PROX1: variants seen among roughly 807,000 people sequenced by gnomAD.
The protein encoded by PROX1 is prospero homeobox 1.
PROX1 carries 7 observed loss-of-function variants against 58.8 expected under a neutral mutation model. That is an observed-to-expected ratio of 0.12 (90% CI 0.07 to 0.22). The LOEUF (loss-of-function observed/expected upper bound fraction) is 0.22. PROX1 is among the 10% of genes least tolerant of loss of function. The pLI is 1.00. For missense variants in PROX1, 675 were observed against 927.8 expected (o/e 0.73, Z 3.54); for synonymous variants, 350 against 358.3 (o/e 0.98, Z 0.26).
intron 4 of PROX1, among the ~76,000 whole-genome samples, chr1:214,028,443 T>C (rs1664533593): frequency 6.6e-6 from 1 of 152,172 alleles, no homozygotes; most frequent in South Asian, 2.1e-4. Flanking sequence ...GACTCATAAT[T>C]ATGAAATGGC....
chr1:214,031,317 C>T (rs77611484), intron 4 of PROX1, among the ~76,000 whole-genome samples: 2,663 of 152,210 alleles, frequency 0.017, 81 homozygotes, highest in African/African-American at 0.058. Flanking sequence ...TCTGGGGTGA[C>T]GTTCCTATAT....
chr1:214,015,429 T>G (rs1408917324), intron 4 of PROX1, among the ~76,000 whole-genome samples: 3 of 152,104 alleles, frequency 2.0e-5, no homozygotes, highest in African/African-American at 7.2e-5. Context: ...CCAAAAAAAA[T>G]TTTATGGGCA....
At position 214,018,798 on chromosome 1, in the gene PROX1, C is replaced by T. The variant is rs1017319082; in HGVS notation, c.2028+7083C>T. The stretch of plus-strand genomic sequence containing the variant: ...ACAGGATGGCCAGAATCAATTCTGC[C>T]CCCTTTGCTCTTTGAAAACAATTTC... On this transcript the variant is annotated intron_variant, in intron 4 of 4. Coordinates refer to ENST00000366958, the MANE Select transcript of PROX1 (RefSeq NM_001270616.2). Among the ~76,000 whole-genome samples, 24 of 152,180 alleles carry T rather than the reference C, an allele frequency of 1.6e-4. No homozygotes were observed. The South Asian group carries it at 2.7e-3, about 17-fold the overall frequency.
In PROX1 at chr1:213,996,469, G is replaced by T; in HGVS notation, c.-67G>T. 3 of 1,517,522 alleles carry T rather than the reference G, an allele frequency of 2.0e-6. No homozygotes were observed. Among genetic ancestry groups the T allele is most frequent in the Non-Finnish European group, 2.7e-6 (3 of 1,129,908 alleles). The allele number at this position is 1,517,522 out of a possible 1,614,324, so 94.0% of individuals were successfully genotyped here. A position where few individuals can be genotyped will look rare whatever the true frequency, so the allele number is the denominator to read the frequency against. On this transcript the variant is annotated splice_region_variant and 5_prime_UTR_variant, in exon 2 of 5. Coordinates refer to ENST00000366958, the MANE Select transcript of PROX1 (RefSeq NM_001270616.2). ...TCAGTCCTTTTGTTCTGTTGGCCAG[G>T]GTCCCGGGATTCTTGAGCTGTGCCC...
rs1349885193 is a variant in PROX1, at chr1:214,037,773, A to C, written c.*1939A>C. The C allele has an allele frequency of 2.0e-5, 3 of 152,252 alleles. No individual in the cohort carries two copies. Among genetic ancestry groups the C allele is most frequent in the Non-Finnish European group, 4.4e-5 (3 of 68,048 alleles). 9.4% of individuals were successfully genotyped at this position (152,252 alleles called of 1,614,324 possible). ...TTGTTATTTTTCTCACTTGCTTTAAAAAAAAGCAGTTTGGATAATCATGAC... is the reference window on the plus strand; with the variant it reads ...TTGTTATTTTTCTCACTTGCTTTAACAAAAAGCAGTTTGGATAATCATGAC... On this transcript the variant is annotated 3_prime_UTR_variant, in exon 5 of 5. Coordinates refer to ENST00000366958, the MANE Select transcript of PROX1 (RefSeq NM_001270616.2).
At chr1:213,998,575 TA>T (rs1054571176) in intron 2 of PROX1, among the ~76,000 whole-genome samples, 1 of 151,876 alleles carries the variant, frequency 6.6e-6, no homozygotes, top group Non-Finnish European at 1.5e-5. Context: ...CCCTATCTCT[TA>T]AAAAAAATAA....
chr1:213,989,346 C>A (rs749925539), intron 1 of PROX1, among the ~76,000 whole-genome samples: 3 of 151,716 alleles, frequency 2.0e-5, no homozygotes, highest in Admixed American at 6.6e-5. Context: ...GGTCGCGTGG[C>A]GGTGGGATTG....
At chr1:213,993,634 A>T (rs1663116500) in intron 1 of PROX1, among the ~76,000 whole-genome samples, 1 of 152,180 alleles carries the variant, frequency 6.6e-6, no homozygotes, top group Admixed American at 6.5e-5. Flanking sequence ...TTATTATTTA[A>T]TCATGCCTAT....
Position 213,998,478 on chromosome 1 carries a change from T to A in PROX1, c.1725+218T>A, listed in dbSNP as rs928183690. ...CAACATCTTTGCAGCTTCCACAAGT[T>A]GTTCACTGCCTTGAGGAGCTCCTAT... On this transcript the variant is annotated intron_variant, in intron 2 of 4. Transcript: ENST00000366958. Among the ~76,000 whole-genome samples, 7 of 152,352 alleles carry A rather than the reference T, an allele frequency of 4.6e-5. No homozygotes were observed. In the South Asian group the frequency reaches 1.4e-3, roughly 32 times the overall value.
chr1:213,997,796 C>T lies in PROX1; in HGVS notation c.1261C>T (p.Leu421=). 3 of 1,614,264 alleles carry T rather than the reference C, an allele frequency of 1.9e-6. No individual in the cohort carries two copies. Among genetic ancestry groups the T allele is most frequent in the South Asian group, 1.1e-5 (1 of 91,092 alleles). Residue 421 remains leucine (L), a synonymous_variant, in exon 2 of 5, where the codon CTG becomes TTG. Transcript: ENST00000366958. The surrounding 1 kb of genome is among the most constrained non-coding windows in gnomAD (Gnocchi z 7.1). ...TGGCGACGTCATCATTCCGAACCCC[C>T]TGGACACCTTTGGCAATGTGCAGAT... ...CFGDVIIPNP[L]DTFGNVQMAS... is the part of the protein sequence containing the mutation.
chr1:214,000,133 A>G (rs937882746), intron 2 of PROX1, among the ~76,000 whole-genome samples: 1 of 152,196 alleles, frequency 6.6e-6, no homozygotes, highest in African/African-American at 2.4e-5. Flanking sequence ...ATTTAATGCC[A>G]GGTTTCAAAA....
At chr1:214,010,560 G>T (rs564931486) in intron 3 of PROX1, among the ~76,000 whole-genome samples, 1 of 152,142 alleles carries the variant, frequency 6.6e-6, no homozygotes, top group Non-Finnish European at 1.5e-5. Context: ...CTGTCAGCCC[G>T]CCTGATATAG....
chr1:214,035,063 A>G (rs1664784982), intron 4 of PROX1, among the ~76,000 whole-genome samples: 1 of 152,152 alleles, frequency 6.6e-6, no homozygotes. Context: ...TCATGTTAAT[A>G]TTATTATTTT....
chr1:214,009,452 T>G (rs1307632857), intron 3 of PROX1, among the ~76,000 whole-genome samples: 2 of 152,228 alleles, frequency 1.3e-5, no homozygotes, highest in Admixed American at 6.5e-5. Context: ...TGTGAATATC[T>G]AGAAAAGCGG....
intron 3 of PROX1, among the ~76,000 whole-genome samples, chr1:214,006,875 C>A (rs1346340702): frequency 6.6e-6 from 1 of 152,148 alleles, no homozygotes; most frequent in African/African-American, 2.4e-5. Flanking sequence ...AACTTATATT[C>A]TTTGCATAGC....
chr1:214,027,865 T>C (rs948936397), intron 4 of PROX1, among the ~76,000 whole-genome samples: 1 of 151,588 alleles, frequency 6.6e-6, no homozygotes, highest in Non-Finnish European at 1.5e-5. Context: ...TTTATATATA[T>C]ATATATATAA....
chr1:214,029,446 G>C (rs150412471), intron 4 of PROX1: 1 of 152,248 alleles, frequency 6.6e-6, no homozygotes, highest in African/African-American at 2.4e-5. Flanking sequence ...AAATGCACAA[G>C]CATCTACCTT....
At chr1:214,011,375 C>T in intron 3 of PROX1, 146 bp from the exon 4 acceptor site, 2 of 642,376 alleles carry the variant, frequency 3.1e-6, no homozygotes, top group Admixed American at 3.3e-5. Flanking sequence ...TTCCTCTTGC[C>T]TCTCTTGCCA....
At chr1:214,016,870 C>CTAT (rs1451888087) in intron 4 of PROX1, among the ~76,000 whole-genome samples, 1 of 152,130 alleles carries the variant, frequency 6.6e-6, no homozygotes, top group Admixed American at 6.5e-5. Context: ...GATTTATCAT[C>CTAT]TATTTGGTAA....
Sources: allele counts gnomAD v4.1 joint callset (sites outside exome capture counted in the v4.1 genomes callset), GRCh38; gene constraint gnomAD v4.1.1; non-coding constraint Gnocchi (gnomAD v3.1); transcripts MANE v1.5; gene names NCBI Gene and HGNC (gene_info 2026-07-23, HGNC 2026-07-21).